The following PDZD2 variants were observed in gnomAD, a reference collection of about 807,000 sequenced individuals.
PDZD2 encodes the protein PDZ domain containing 2.
PDZD2 carries 90 observed loss-of-function variants against 220.7 expected under a neutral mutation model. The ratio of observed to expected loss-of-function variants is 0.41; its 90% CI spans 0.34 to 0.49. PDZD2 has a LOEUF of 0.49. PDZD2 is among the 20% of genes least tolerant of loss of function. PDZD2 has a pLI of 0.28. For synonymous variants in PDZD2, 1,375 were observed against 1,450.5 expected (o/e 0.95, Z 1.18); for missense variants, 3,174 against 3,608.5 (o/e 0.88, Z 3.08).
chr5:32,028,363 C>A (rs532812079), intron 6 of PDZD2, among the ~76,000 whole-genome samples: 3 of 152,172 alleles, frequency 2.0e-5, no homozygotes, highest in African/African-American at 7.2e-5. Context: ...GTTTGCCCCC[C>A]ACCCCTAGAA....
intron 2 of PDZD2, among the ~76,000 whole-genome samples, chr5:31,888,695 C>G (rs1740741548): frequency 6.6e-6 from 1 of 152,164 alleles, no homozygotes; most frequent in South Asian, 2.1e-4. Flanking sequence ...TAATCAATAA[C>G]CAACTGTTGA....
chr5:31,817,185 C>CA (rs33979989), intron 2 of PDZD2, among the ~76,000 whole-genome samples: 34,198 of 95,664 alleles, frequency 0.36, 7,320 homozygotes, highest in African/African-American at 0.52. Flanking sequence ...GACTCCGTCT[C>CA]AAAAAAAAAA....
Position 32,068,278 on chromosome 5 carries a change from A to G in PDZD2, c.2452-1291A>G, listed in dbSNP as rs114111487. On this transcript the variant is annotated intron_variant, in intron 14 of 24. Transcript: ENST00000438447. ...CCAAGGAAGATTCGGGAGCTGTTTC[A>G]GATTAAAGGAGACTAAAGACATACA... Among the ~76,000 whole-genome samples the G allele has an allele frequency of 1.5e-3, 231 of 152,324 alleles. 1 individual carries two copies. Among genetic ancestry groups the G allele is most frequent in the African/African-American group, 5.4e-3 (223 of 41,562 alleles).
intron 1 of PDZD2, among the ~76,000 whole-genome samples, chr5:31,759,591 A>G (rs1055960435): frequency 6.8e-6 from 1 of 146,382 alleles, no homozygotes; most frequent in African/African-American, 2.6e-5. Context: ...GCTGGAGTGC[A>G]GTGGTGTGAT....
At chr5:31,705,427 T>C (rs533579334) in intron 1 of PDZD2, among the ~76,000 whole-genome samples, 1 of 152,158 alleles carries the variant, frequency 6.6e-6, no homozygotes, top group African/African-American at 2.4e-5. Flanking sequence ...TAGAAAGAGA[T>C]AGAATTTGAG....
chr5:32,092,858 GA>G, intron 20 of PDZD2, 48 bp from the exon 21 acceptor site: 1 of 907,166 alleles, frequency 1.1e-6, no homozygotes, highest in Non-Finnish European at 1.7e-6. Context: ...ATAAAATGAA[GA>G]AATTGCTTTT....
chr5:31,780,115 A>T (rs894719205), intron 1 of PDZD2, among the ~76,000 whole-genome samples: 1 of 152,168 alleles, frequency 6.6e-6, no homozygotes, highest in Non-Finnish European at 1.5e-5. Flanking sequence ...GGTTTATGGA[A>T]CTGCATGAAA....
chr5:32,048,806 G>T, intron 8 of PDZD2, 122 bp downstream of exon 8: 1 of 937,140 alleles, frequency 1.1e-6, no homozygotes, highest in South Asian at 1.6e-5. Flanking sequence ...GAGACAGCAG[G>T]CAAAGTGAGG....
chr5:31,978,946 C>T (rs1289552790), intron 2 of PDZD2, among the ~76,000 whole-genome samples: 1 of 152,034 alleles, frequency 6.6e-6, no homozygotes, highest in Non-Finnish European at 1.5e-5. Flanking sequence ...TCAAGATAAA[C>T]TCCTCTTGGC....
At chr5:31,777,139 C>T (rs1300764839) in intron 1 of PDZD2, among the ~76,000 whole-genome samples, 5 of 152,154 alleles carry the variant, frequency 3.3e-5, no homozygotes, top group African/African-American at 7.2e-5. Flanking sequence ...TGTGCACTGG[C>T]GCTCGCGGGG....
chr5:32,000,465 G>A lies in PDZD2; in HGVS notation c.1254+194G>A, dbSNP rs914270322. The stretch of plus-strand genomic sequence containing the variant: ...TAGCTGAAGTGCAGTTAGTTACTTG[G>A]CTTTCCTTAAGAAGTTTGTTTTTGT... On this transcript the variant is annotated intron_variant, in intron 5 of 24. Transcript: ENST00000438447. This position sits in a 1 kb window ranked among gnomAD's most constrained non-coding sequence, Gnocchi z 4.5. 3.3e-5 allele frequency among the ~76,000 whole-genome samples: 5 copies of A among 152,100 alleles called. No individual in the cohort carries two copies. Among genetic ancestry groups the A allele is most frequent in the Non-Finnish European group, 7.4e-5 (5 of 68,026 alleles).
At chr5:31,656,121 C>T (rs907563146) in intron 1 of PDZD2, among the ~76,000 whole-genome samples, 2 of 152,288 alleles carry the variant, frequency 1.3e-5, no homozygotes, top group South Asian at 2.1e-4. Flanking sequence ...TTTGTCTCTA[C>T]GTTCAAAGAG....
chr5:31,837,464 T>C (rs566255073), intron 2 of PDZD2, among the ~76,000 whole-genome samples: 9 of 152,308 alleles, frequency 5.9e-5, no homozygotes, highest in African/African-American at 2.2e-4. Context: ...GGCTCATGCC[T>C]GTAGTCCCAG....
At position 32,097,307 on chromosome 5, in the gene PDZD2, T is replaced by C; in HGVS notation, c.7874T>C (p.Leu2625Ser). 6.2e-7 allele frequency: 1 copy of C among 1,612,746 alleles called. No individual in the cohort carries two copies. Among genetic ancestry groups the C allele is most frequent in the Non-Finnish European group, 8.5e-7 (1 of 1,178,734 alleles). Reference protein sequence around the residue: ...ENEEDVCFIVLNRKEGSGLGF... With the variant: ...ENEEDVCFIVSNRKEGSGLGF... ...GAAGAAGATGTTTGCTTCATAGTCT[T>C]GAATAGAAAAGAAGGCTCAGGTCTG... The change falls in exon 22 of 25, where the codon TTG (leucine) becomes TCG (serine). Residue 2625 changes from leucine (L) to serine (S), a missense_variant. Leu to Ser is a moderately radical substitution (Grantham distance 145, BLOSUM62 -2). Coordinates refer to ENST00000438447, the MANE Select transcript of PDZD2 (RefSeq NM_178140.4).
At chr5:31,860,140 T>C (rs938294901) in intron 2 of PDZD2, among the ~76,000 whole-genome samples, 4 of 152,134 alleles carry the variant, frequency 2.6e-5, no homozygotes, top group African/African-American at 9.7e-5. Context: ...TCTAACTATT[T>C]GGTATGATGA....
rs374172088 is a variant in PDZD2, at chr5:31,699,489, C to T, written c.-361+60052C>T. Among the ~76,000 whole-genome samples the T allele has an allele frequency of 9.8e-4, 149 of 152,226 alleles. 1 individual carries two copies. Among genetic ancestry groups the T allele is most frequent in the African/African-American group, 3.3e-3 (137 of 41,550 alleles). On this transcript the variant is annotated intron_variant, in intron 1 of 24. Coordinates refer to ENST00000438447, the MANE Select transcript of PDZD2 (RefSeq NM_178140.4). ...TGAGGCCAGGCATGGTGGCTCATGC[C>T]TGTAATCCCAGCGCTTTGGGAGGCT...
At chr5:31,859,892 T>C (rs1737520416) in intron 2 of PDZD2, among the ~76,000 whole-genome samples, 1 of 152,108 alleles carries the variant, frequency 6.6e-6, no homozygotes, top group African/African-American at 2.4e-5. Flanking sequence ...TGACATACAC[T>C]CTTGCTGGGG....
chr5:31,932,905 C>T (rs11739256), intron 2 of PDZD2, among the ~76,000 whole-genome samples: 5,750 of 60,778 alleles, frequency 0.095, 156 homozygotes, highest in Non-Finnish European at 0.11. Context: ...GCATAGTGTC[C>T]TTTTTTTTTT....
rs183926368 is a variant in PDZD2, at chr5:31,823,781, A to G, written c.476+24057A>G. 1.5e-3 allele frequency among the ~76,000 whole-genome samples: 230 copies of G among 152,350 alleles called. 1 individual carries two copies. The highest frequency in any genetic ancestry group is 5.4e-3 in the African/African-American group (226 of 41,582). On this transcript the variant is annotated intron_variant, in intron 2 of 24. Transcript: ENST00000438447. ...GAGATAAGATAGATTACAGGAAAAA[A>G]GCATACACATTTCTTTACAGATGTT... is the stretch of plus-strand genomic sequence containing the variant.
Sources: gnomAD v4.1 joint callset for allele counts (sites outside exome capture counted in the v4.1 genomes callset) on GRCh38, gnomAD v4.1.1 for gene constraint, Gnocchi (gnomAD v3.1) non-coding constraint, MANE v1.5 for transcripts, NCBI Gene and HGNC (gene_info 2026-07-23, HGNC 2026-07-21) for gene names.